NELL2: variants seen among roughly 807,000 people sequenced by gnomAD.
NELL2 encodes protein kinase C-binding protein NELL2.
In NELL2, 41 loss-of-function variants were observed where a neutral mutation model predicts 109.6. The observed-to-expected ratio is 0.37, with a 90% CI of 0.29 to 0.49. The LOEUF (loss-of-function observed/expected upper bound fraction) is 0.49. NELL2 is among the 20% of genes least tolerant of loss of function. NELL2 has a pLI of 0.98. For missense variants in NELL2, 900 were observed against 1,008.3 expected (o/e 0.89, Z 1.45); for synonymous variants, 355 against 344.7 (o/e 1.03, Z -0.33).
intron 3 of NELL2, among the ~76,000 whole-genome samples, chr12:44,805,402 A>T (rs1942965238): frequency 6.6e-6 from 1 of 151,944 alleles, no homozygotes; most frequent in Non-Finnish European, 1.5e-5. Flanking sequence ...CAAATAGGTT[A>T]GTAGAACAGA....
At chr12:44,617,707 A>C (rs1234917938) in intron 13 of NELL2, among the ~76,000 whole-genome samples, 4 of 103,506 alleles carry the variant, frequency 3.9e-5, no homozygotes, top group Non-Finnish European at 3.7e-5. Context: ...AAAAAAAAAA[A>C]AAAAAAGAAA....
At chr12:44,583,340 G>T (rs74078474) in intron 15 of NELL2, among the ~76,000 whole-genome samples, 2 of 152,020 alleles carry the variant, frequency 1.3e-5, no homozygotes, top group Non-Finnish European at 2.9e-5. Context: ...TTTATTTTCC[G>T]TATAGTACTT....
intron 13 of NELL2, among the ~76,000 whole-genome samples, chr12:44,631,100 G>T (rs1946440159): frequency 6.6e-6 from 1 of 151,728 alleles, no homozygotes; most frequent in Admixed American, 6.6e-5. Flanking sequence ...TATTATACTG[G>T]CTTCTTTTGA....
In NELL2 at chr12:44,808,583, C is replaced by T. The variant is rs1308397253; in HGVS notation, c.335+7403G>A. Among the ~76,000 whole-genome samples the T allele has an allele frequency of 2.0e-5, 3 of 151,928 alleles. No homozygotes were observed. The South Asian group carries it at 6.2e-4, about 32-fold the overall frequency. On this transcript the variant is annotated intron_variant, in intron 3 of 19. Transcript: ENST00000429094. ...AATTTTAATTTATAAATCCTATTAT[C>T]TTTAAAGTTATTTATTAAATAAAGT...
intron 3 of NELL2, among the ~76,000 whole-genome samples, chr12:44,787,669 T>G (rs1304260444): frequency 1.3e-5 from 2 of 152,152 alleles, no homozygotes; most frequent in Non-Finnish European, 2.9e-5. Context: ...CAACTGATTT[T>G]TTTACAAAAG....
chr12:44,596,512 A>G (rs1944969454), intron 15 of NELL2, among the ~76,000 whole-genome samples: 1 of 152,206 alleles, frequency 6.6e-6, no homozygotes, highest in East Asian at 1.9e-4. Flanking sequence ...GATAATAGCT[A>G]ACATTTACTG....
intron 8 of NELL2, 43 bp from the exon 9 acceptor site, chr12:44,774,892 T>C (rs1335730674): frequency 2.0e-6 from 3 of 1,478,964 alleles, no homozygotes. Context: ...TGTTAGAGTT[T>C]AGTAGTTTTC....
chr12:44,727,077 C>T (rs1046514800), intron 9 of NELL2, among the ~76,000 whole-genome samples: 1 of 152,002 alleles, frequency 6.6e-6, no homozygotes, highest in Non-Finnish European at 1.5e-5. Flanking sequence ...GCATATGTAA[C>T]CAGGCCTCAA....
chr12:44,611,062 ATTCT>A, intron 13 of NELL2, 92 bp from the exon 14 acceptor site: 2 of 1,300,978 alleles, frequency 1.5e-6, no homozygotes, highest in Non-Finnish European at 2.2e-6. Flanking sequence ...TGCATGGTAA[ATTCT>A]TTCAACCACA....
intron 11 of NELL2, among the ~76,000 whole-genome samples, chr12:44,709,490 G>A (rs1938075518): frequency 6.6e-6 from 1 of 152,122 alleles, no homozygotes; most frequent in Admixed American, 6.6e-5. Context: ...CTACAGCATT[G>A]AATGACCCCA....
At chr12:44,639,115 T>C (rs1255402011) in intron 13 of NELL2, among the ~76,000 whole-genome samples, 1 of 152,168 alleles carries the variant, frequency 6.6e-6, no homozygotes, top group African/African-American at 2.4e-5. Flanking sequence ...AAATTTCAAA[T>C]GCTGAATAGC....
intron 9 of NELL2, among the ~76,000 whole-genome samples, chr12:44,740,000 G>A (rs1164652881): frequency 6.6e-6 from 1 of 152,174 alleles, no homozygotes; most frequent in Non-Finnish European, 1.5e-5. Context: ...ACAGAGTTTA[G>A]TGGCTACAAT....
chr12:44,896,485 G>GT (rs1945594135), intron 1 of NELL2, among the ~76,000 whole-genome samples: 2 of 152,116 alleles, frequency 1.3e-5, no homozygotes, highest in African/African-American at 4.8e-5. Context: ...CGTGACCGAG[G>GT]TGTACACAGG....
intron 13 of NELL2, among the ~76,000 whole-genome samples, chr12:44,630,309 T>C (rs1158524155): frequency 6.6e-6 from 1 of 152,124 alleles, no homozygotes; most frequent in East Asian, 1.9e-4. Context: ...TTGTATACTA[T>C]AAGGCAAATG....
rs141798904 is a variant in NELL2 at position 44,607,074 on chromosome 12, A to G, written c.1663+95T>C. ...CTTATTAATAGCTCCATGCTTTGAGAGCCCACTTGAAACTTGAAACATTAT... is the reference window on the plus strand; with the variant it reads ...CTTATTAATAGCTCCATGCTTTGAGGGCCCACTTGAAACTTGAAACATTAT... On this transcript the variant is annotated intron_variant, in intron 15 of 19. Transcript: ENST00000429094. The G allele has an allele frequency of 1.7e-4, 181 of 1,036,744 alleles. No homozygotes were observed. In the East Asian group the frequency reaches 4.9e-3, roughly 28 times the overall value. The allele number at this position is 1,036,744 out of a possible 1,614,324, so 64.2% of individuals were successfully genotyped here. A position where few individuals can be genotyped will look rare whatever the true frequency, so the allele number is the denominator to read the frequency against.
intron 15 of NELL2, among the ~76,000 whole-genome samples, chr12:44,588,576 C>G (rs763901205): frequency 5.9e-5 from 9 of 152,118 alleles, no homozygotes; most frequent in Admixed American, 3.3e-4. Context: ...TGAAAGTATG[C>G]TTATGTATGT....
At chr12:44,808,469 T>A (rs2136668405) in intron 3 of NELL2, among the ~76,000 whole-genome samples, 1 of 152,100 alleles carries the variant, frequency 6.6e-6, no homozygotes, top group Admixed American at 6.6e-5. Context: ...AGAGATGTAA[T>A]TTTGTGAGAG....
chr12:44,690,956 C>T (rs941356700), intron 12 of NELL2, among the ~76,000 whole-genome samples: 2 of 152,144 alleles, frequency 1.3e-5, no homozygotes, highest in African/African-American at 4.8e-5. Flanking sequence ...TTTATTATTT[C>T]TTCCCTATAT....
At chr12:44,582,255 T>G (rs988052805) in intron 15 of NELL2, among the ~76,000 whole-genome samples, 2 of 152,150 alleles carry the variant, frequency 1.3e-5, no homozygotes, top group African/African-American at 4.8e-5. Context: ...TTGAGATTTG[T>G]GCTCATGAAT....
Sources: allele counts gnomAD v4.1 joint callset (sites outside exome capture counted in the v4.1 genomes callset), GRCh38; gene constraint gnomAD v4.1.1; transcripts MANE v1.5; gene names NCBI Gene and HGNC (gene_info 2026-07-23, HGNC 2026-07-21).